The following P4HA1 variants were observed in gnomAD, a reference collection of about 807,000 sequenced individuals.
P4HA1 encodes the protein prolyl 4-hydroxylase subunit alpha-1.
Under a neutral mutation model 72.8 loss-of-function variants are expected in P4HA1, and 24 were observed. The observed-to-expected ratio is 0.33, with a 90% CI of 0.24 to 0.46. P4HA1 has a LOEUF of 0.46. Among genes scored for constraint, P4HA1 ranks in the 20% least tolerant of loss-of-function variants. P4HA1 has a pLI of 1.00. For synonymous variants in P4HA1, 201 were observed against 218.8 expected (o/e 0.92, Z 0.72); for missense variants, 446 against 640.6 (o/e 0.70, Z 3.28).
At chr10:73,035,376 G>A (rs1281903655) in intron 9 of P4HA1, among the ~76,000 whole-genome samples, 1 of 152,070 alleles carries the variant, frequency 6.6e-6, no homozygotes, top group Non-Finnish European at 1.5e-5. Context: ...ATAAATTAAT[G>A]AGCAAGGTGT....
Position 73,049,111 on chromosome 10 carries a change from C to T in P4HA1, c.900+1942G>A, listed in dbSNP as rs186963619. On this transcript the variant is annotated intron_variant, in intron 7 of 14. Coordinates refer to ENST00000394890, the MANE Select transcript of P4HA1 (RefSeq NM_001017962.3). ...TAGCCTGAGCAACAGAGCGAGACTC[C>T]GTCTCAGAGAAAAAAAAAAGAAAAT... 1.9e-4 allele frequency among the ~76,000 whole-genome samples: 27 copies of T among 142,024 alleles called. 1 individual carries two copies. Among genetic ancestry groups the T allele is most frequent in the African/African-American group, 6.9e-4 (24 of 34,994 alleles). 93.2% of individuals were successfully genotyped at this position (142,024 alleles called of 152,430 possible).
At chr10:73,021,689 C>T (rs565090741) in intron 10 of P4HA1, among the ~76,000 whole-genome samples, 2 of 152,284 alleles carry the variant, frequency 1.3e-5, no homozygotes, top group Admixed American at 1.3e-4. Flanking sequence ...GGCGGGGCAT[C>T]GCCTCACCCA....
chr10:73,009,926 A>AT, intron 13 of P4HA1, 23 bp from the exon 14 acceptor site: 1 of 1,275,542 alleles, frequency 7.8e-7, no homozygotes, highest in Non-Finnish European at 1.1e-6. Context: ...ATTCACAATT[A>AT]TCCCCAAGTA....
rs764831581 is a variant in P4HA1 at position 73,074,932 on chromosome 10, GA to G, written c.-32-18del. 2.5e-6 allele frequency: 2 copies of G among 814,212 alleles called. No individual in the cohort carries two copies. Among genetic ancestry groups the G allele is most frequent in the Non-Finnish European group, 4.1e-6 (2 of 482,948 alleles). 50.4% of individuals were successfully genotyped at this position (814,212 alleles called of 1,614,324 possible). On this transcript the variant is annotated intron_variant, in intron 1 of 14. Coordinates refer to ENST00000394890, the MANE Select transcript of P4HA1 (RefSeq NM_001017962.3). ...ATCACACACCTACAAAAGAAAGAGA[GA>G]AATGCAGCCATTACTTAAAAAATAC...
At chr10:73,085,013 C>T (rs1670814322) in intron 1 of P4HA1, among the ~76,000 whole-genome samples, 2 of 152,136 alleles carry the variant, frequency 1.3e-5, no homozygotes, top group East Asian at 3.9e-4. Context: ...TGGTGGCATG[C>T]TCCTATAGTC....
At chr10:73,036,395 G>GT (rs569404385) in intron 9 of P4HA1, among the ~76,000 whole-genome samples, 2 of 151,714 alleles carry the variant, frequency 1.3e-5, no homozygotes, top group Non-Finnish European at 2.9e-5. Flanking sequence ...CCAAAATATA[G>GT]TAACACTCCC....
chr10:73,052,250 TAG>T (rs1841038855), intron 6 of P4HA1, among the ~76,000 whole-genome samples: 2 of 151,354 alleles, frequency 1.3e-5, no homozygotes, highest in African/African-American at 4.9e-5. Context: ...GAAGAATATA[TAG>T]AGACTTCACT....
chr10:73,088,728 T>C (rs1841970397), intron 1 of P4HA1, among the ~76,000 whole-genome samples: 1 of 152,266 alleles, frequency 6.6e-6, no homozygotes, highest in Non-Finnish European at 1.5e-5. Context: ...AAGATTGTTT[T>C]TTCTTTGCAT....
chr10:73,075,240 T>A (rs776468996), intron 1 of P4HA1, among the ~76,000 whole-genome samples: 36 of 152,108 alleles, frequency 2.4e-4, no homozygotes, highest in Non-Finnish European at 4.0e-4. Context: ...CCTAAGTAGT[T>A]GGGACCAAAG....
chr10:73,066,920 C>CT (rs1564633238), intron 5 of P4HA1, among the ~76,000 whole-genome samples: 1 of 152,140 alleles, frequency 6.6e-6, no homozygotes. Flanking sequence ...AATTAAACCT[C>CT]TTTTTTAAAA....
intron 9 of P4HA1, among the ~76,000 whole-genome samples, chr10:73,037,525 CTATATATA>C (rs869107512): frequency 0.011 from 391 of 34,254 alleles, 5 homozygotes; most frequent in East Asian, 0.018. Context: ...TCGAAAACCA[CTATATATA>C]TATATATATA....
At chr10:73,075,857 C>T (rs1841686365) in intron 1 of P4HA1, among the ~76,000 whole-genome samples, 1 of 151,970 alleles carries the variant, frequency 6.6e-6, no homozygotes, top group Admixed American at 6.6e-5. Flanking sequence ...AGGCGTGAGC[C>T]ACGGCACCCG....
intron 9 of P4HA1, among the ~76,000 whole-genome samples, chr10:73,037,525 CTATATATATATATATATA>C (rs869107512): frequency 0.011 from 362 of 34,306 alleles, 11 homozygotes; most frequent in African/African-American, 0.041. Flanking sequence ...TCGAAAACCA[CTATATATATATATATATA>C]TATATATATA....
chr10:73,029,955 C>T (rs888637337), intron 10 of P4HA1, among the ~76,000 whole-genome samples: 17 of 151,820 alleles, frequency 1.1e-4, no homozygotes, highest in Non-Finnish European at 2.9e-5. Context: ...TAAAACCCAC[C>T]CTGGCCACTT....
chr10:73,061,881 T>C (rs1841322170), intron 5 of P4HA1, among the ~76,000 whole-genome samples: 1 of 151,644 alleles, frequency 6.6e-6, no homozygotes, highest in Non-Finnish European at 1.5e-5. Flanking sequence ...CAGCCAGGTG[T>C]GGTGGCACGC....
chr10:73,047,164 C>T (rs1840885232), intron 7 of P4HA1, 63 bp from the exon 8 acceptor site: 1 of 1,150,434 alleles, frequency 8.7e-7, no homozygotes, highest in East Asian at 2.5e-5. Context: ...ATATCTATTC[C>T]TATGCAGATA....
intron 14 of P4HA1, chr10:73,009,585 C>A (rs1839868109): frequency 2.2e-6 from 1 of 458,894 alleles, no homozygotes; most frequent in African/African-American, 2.0e-5. Flanking sequence ...TTGAGTCAGT[C>A]ATTGTTTCTT....
chr10:73,021,773 G>A (rs956933184), intron 10 of P4HA1, among the ~76,000 whole-genome samples: 1 of 152,190 alleles, frequency 6.6e-6, no homozygotes, highest in Non-Finnish European at 1.5e-5. Context: ...TGGAAAAACC[G>A]GACAATCCTG....
intron 1 of P4HA1, among the ~76,000 whole-genome samples, chr10:73,086,427 G>A (rs1255820321): frequency 6.6e-6 from 1 of 152,146 alleles, no homozygotes; most frequent in Non-Finnish European, 1.5e-5. Flanking sequence ...GAAACAAAAA[G>A]TAGATTAGTG....
Sources: allele counts gnomAD v4.1 joint callset (sites outside exome capture counted in the v4.1 genomes callset), GRCh38; gene constraint gnomAD v4.1.1; transcripts MANE v1.5; gene names NCBI Gene and HGNC (gene_info 2026-07-23, HGNC 2026-07-21).